The following THOC7 variants were observed in gnomAD, a reference collection of about 807,000 sequenced individuals.
THOC7 encodes THO complex subunit 7.
THOC7 carries 22 observed loss-of-function variants against 33.1 expected under a neutral mutation model. The ratio of observed to expected loss-of-function variants is 0.66; its 90% CI spans 0.47 to 0.95. THOC7 has a LOEUF of 0.95. THOC7 is among the 40% of genes least tolerant of loss of function. The probability of loss-of-function intolerance (pLI) is 0.00; values close to 1 mark genes in which losing one functional copy is unlikely to be tolerated. For missense variants in THOC7, 184 were observed against 245.3 expected (o/e 0.75, Z 1.67); for synonymous variants, 77 against 76.8 (o/e 1.00, Z -0.01).
In THOC7 at chr3:63,834,100, A is replaced by G. The variant is rs371994096; in HGVS notation, c.*32T>C. On this transcript the variant is annotated 3_prime_UTR_variant, in exon 8 of 8. Coordinates refer to ENST00000295899, the MANE Select transcript of THOC7 (RefSeq NM_025075.4). ...ACATTATGGTCATGTAGCTATTTCA[A>G]TATTCCTGGGAGTGGTGGGCAATTA... 5 of 1,610,478 alleles carry G rather than the reference A, an allele frequency of 3.1e-6. No individual in the cohort carries two copies. The African/African-American group carries it at 4.0e-5, about 13-fold the overall frequency.
At position 63,834,130 on chromosome 3, in the gene THOC7, G is replaced by A. The variant is rs1701575938; in HGVS notation, c.*2C>T. The A allele has an allele frequency of 6.2e-7, 1 of 1,613,970 alleles. No homozygotes were observed. Among genetic ancestry groups the A allele is most frequent in the East Asian group, 2.2e-5 (1 of 44,856 alleles). Reference sequence around the variant, plus strand: ...CCTGGGAGTGGTGGGCAATTAGCCTGTCTATGGCTTAGGATCTGTTTCCAT... The same window carrying A: ...CCTGGGAGTGGTGGGCAATTAGCCTATCTATGGCTTAGGATCTGTTTCCAT... On this transcript the variant is annotated 3_prime_UTR_variant, in exon 8 of 8. Coordinates refer to ENST00000295899, the MANE Select transcript of THOC7 (RefSeq NM_025075.4).
intron 1 of THOC7, chr3:63,845,096 T>G (rs1448353566): frequency 7.2e-6 from 5 of 693,928 alleles, no homozygotes; most frequent in Admixed American, 2.1e-5. Context: ...ATGCTAACCT[T>G]CTTTTCTGGG....
chr3:63,843,558 A>C (rs1005552324), intron 1 of THOC7, among the ~76,000 whole-genome samples: 2 of 152,214 alleles, frequency 1.3e-5, no homozygotes, highest in Non-Finnish European at 2.9e-5. Flanking sequence ...TATTCACAAT[A>C]GCCAAGGTAT....
chr3:63,860,590 C>T (rs763215408), intron 1 of THOC7: 7 of 152,128 alleles, frequency 4.6e-5, no homozygotes, highest in Admixed American at 1.3e-4. Context: ...ACAGAGCAGA[C>T]GAGGTCCTGC....
At chr3:63,855,448 T>A (rs1702097462) in intron 1 of THOC7, among the ~76,000 whole-genome samples, 1 of 152,154 alleles carries the variant, frequency 6.6e-6, no homozygotes, top group Admixed American at 6.6e-5. Context: ...AAACTCTATG[T>A]TTCATAAACA....
intron 1 of THOC7, 163 bp downstream of exon 1, chr3:63,863,609 G>A (rs951257427): frequency 1.2e-5 from 14 of 1,195,464 alleles, no homozygotes; most frequent in Non-Finnish European, 1.3e-5. Context: ...GAAGCAGCCG[G>A]GGAGGCCCGG....
At chr3:63,850,522 C>T (rs1363140555) in intron 1 of THOC7, among the ~76,000 whole-genome samples, 1 of 150,098 alleles carries the variant, frequency 6.7e-6, no homozygotes, top group Non-Finnish European at 1.5e-5. Context: ...TTAAGATAGT[C>T]ATGGGATACT....
chr3:63,834,106 C>T lies in THOC7; in HGVS notation c.*26G>A. ...TGGTCATGTAGCTATTTCAATATTC[C>T]TGGGAGTGGTGGGCAATTAGCCTGT... is the stretch of plus-strand genomic sequence containing the variant. On this transcript the variant is annotated 3_prime_UTR_variant, in exon 8 of 8. Coordinates refer to ENST00000295899, the MANE Select transcript of THOC7 (RefSeq NM_025075.4). The T allele has an allele frequency of 6.2e-7, 1 of 1,612,412 alleles. No individual in the cohort carries two copies. Among genetic ancestry groups the T allele is most frequent in the South Asian group, 1.1e-5 (1 of 90,920 alleles).
At position 63,836,293 on chromosome 3, in the gene THOC7, A is replaced by G; in HGVS notation, c.410+8T>C. 1 of 1,611,972 alleles carries G rather than the reference A, an allele frequency of 6.2e-7. No individual in the cohort carries two copies. The highest frequency in any genetic ancestry group is 1.1e-5 in the South Asian group (1 of 90,902). On this transcript the variant is annotated splice_region_variant and intron_variant, in intron 5 of 7. Transcript: ENST00000295899. ...TTAGTTCCTTTCAAAGTAAAGCTCT[A>G]CACTTACTTTAATGTCTCATGCCTG... is the stretch of plus-strand genomic sequence containing the variant.
chr3:63,840,152 C>G (rs918368132), intron 1 of THOC7, among the ~76,000 whole-genome samples: 3 of 152,022 alleles, frequency 2.0e-5, no homozygotes, highest in African/African-American at 4.8e-5. Context: ...GCCAATAATT[C>G]ATAGAGAACC....
intron 1 of THOC7, among the ~76,000 whole-genome samples, chr3:63,849,125 C>G (rs1258574220): frequency 1.3e-5 from 2 of 152,110 alleles, no homozygotes; most frequent in East Asian, 3.9e-4. Context: ...TGGTGGCTCA[C>G]GCCTGTAATC....
At chr3:63,836,721 A>G (rs1317688790) in intron 4 of THOC7, among the ~76,000 whole-genome samples, 1 of 152,054 alleles carries the variant, frequency 6.6e-6, no homozygotes, top group Non-Finnish European at 1.5e-5. Context: ...AATAAAATAC[A>G]ATCAGTGAAT....
intron 1 of THOC7, chr3:63,863,450 C>G: frequency 8.8e-7 from 1 of 1,134,874 alleles, no homozygotes; most frequent in Non-Finnish European, 1.1e-6. Context: ...CCGCTTCTAG[C>G]CGTCTCGGCC....
intron 1 of THOC7, among the ~76,000 whole-genome samples, chr3:63,861,296 C>A (rs1406499522): frequency 6.6e-6 from 1 of 152,164 alleles, no homozygotes; most frequent in Non-Finnish European, 1.5e-5. Flanking sequence ...TCCCATCTGA[C>A]AAAGCCTGTT....
chr3:63,860,765 A>G (rs962259417), intron 1 of THOC7: 2 of 152,140 alleles, frequency 1.3e-5, no homozygotes, highest in Admixed American at 6.5e-5. Context: ...TTTAATTTTT[A>G]TATTTTCTCA....
At chr3:63,843,627 G>C (rs1490759479) in intron 1 of THOC7, among the ~76,000 whole-genome samples, 1 of 152,118 alleles carries the variant, frequency 6.6e-6, no homozygotes, top group Non-Finnish European at 1.5e-5. Context: ...TGGGCTGGGC[G>C]TGGTGGCTCA....
chr3:63,838,940 T>C (rs1057176025), intron 2 of THOC7, among the ~76,000 whole-genome samples: 1 of 152,210 alleles, frequency 6.6e-6, no homozygotes, highest in Non-Finnish European at 1.5e-5. Context: ...CCTGTAATTC[T>C]GGAATTTTGG....
intron 1 of THOC7, among the ~76,000 whole-genome samples, chr3:63,860,118 G>A (rs1702181302): frequency 6.6e-6 from 1 of 152,128 alleles, no homozygotes; most frequent in Non-Finnish European, 1.5e-5. Flanking sequence ...ACCTACAGGT[G>A]TGTTCCACTC....
At chr3:63,836,256 T>C (rs1249679608) in intron 5 of THOC7, 45 bp downstream of exon 5, 11 of 1,571,728 alleles carry the variant, frequency 7.0e-6, no homozygotes, top group Non-Finnish European at 9.5e-6. Context: ...TTCGAGCATT[T>C]ATGTATAAAG....
Sources: allele counts gnomAD v4.1 joint callset (sites outside exome capture counted in the v4.1 genomes callset), GRCh38; gene constraint gnomAD v4.1.1; transcripts MANE v1.5; gene names NCBI Gene and HGNC (gene_info 2026-07-23, HGNC 2026-07-21).